The following FRMD4A variants were observed in gnomAD, a reference collection of about 807,000 sequenced individuals.
FRMD4A encodes the protein FERM domain containing 4A, also known as FERM domain-containing protein 4A.
In FRMD4A, 29 loss-of-function variants were observed where a neutral mutation model predicts 129.1. The observed-to-expected ratio is 0.22, with a 90% CI of 0.17 to 0.31. The LOEUF (loss-of-function observed/expected upper bound fraction) is 0.31. FRMD4A is among the 10% of genes least tolerant of loss of function. The probability of loss-of-function intolerance (pLI) is 1.00; values close to 1 mark genes in which losing one functional copy is unlikely to be tolerated. For missense variants in FRMD4A, 1,272 were observed against 1,375.8 expected (o/e 0.92, Z 1.19); for synonymous variants, 634 against 571.6 (o/e 1.11, Z -1.56).
chr10:14,069,454 T>A (rs1003574480), intron 2 of FRMD4A, among the ~76,000 whole-genome samples: 6 of 152,102 alleles, frequency 3.9e-5, no homozygotes, highest in African/African-American at 1.4e-4. Context: ...TTGATAAGAG[T>A]TCACTGTGAC....
intron 2 of FRMD4A, among the ~76,000 whole-genome samples, chr10:13,984,231 G>A (rs1035946833): frequency 6.6e-6 from 1 of 152,160 alleles, no homozygotes; most frequent in Admixed American, 6.5e-5. Flanking sequence ...TTATGAAGTC[G>A]AACGTGTGTC....
chr10:14,029,847 G>A (rs1024347910), intron 2 of FRMD4A, among the ~76,000 whole-genome samples: 19 of 149,306 alleles, frequency 1.3e-4, no homozygotes, highest in African/African-American at 4.2e-4. Context: ...GTTTTTAATC[G>A]TTTTTGAGTT....
intron 12 of FRMD4A, among the ~76,000 whole-genome samples, chr10:13,715,428 T>G (rs1167371832): frequency 1.3e-5 from 2 of 152,226 alleles, no homozygotes; most frequent in African/African-American, 4.8e-5. Context: ...ATTAAAAGCA[T>G]GGTTTTCAAC....
chr10:14,248,190 G>A (rs1374818204), intron 2 of FRMD4A, among the ~76,000 whole-genome samples: 1 of 32,996 alleles, frequency 3.0e-5, no homozygotes, highest in Non-Finnish European at 9.3e-5. Context: ...ACAACTTTAT[G>A]AGTTAGAAAA....
rs577770848 is a variant in FRMD4A at position 14,079,015 on chromosome 10, G to A, written c.46-220103C>T. 4.6e-5 allele frequency among the ~76,000 whole-genome samples: 7 copies of A among 152,364 alleles called. No individual in the cohort carries two copies. In the South Asian group the frequency reaches 1.2e-3, roughly 27 times the overall value. Reference sequence around the variant, plus strand: ...TGAGATAGTCAGAGGAAAGGACTGAGTGTCCAGGGTTTGGCCATCTCTAAG... The same window carrying A: ...TGAGATAGTCAGAGGAAAGGACTGAATGTCCAGGGTTTGGCCATCTCTAAG... On this transcript the variant is annotated intron_variant, in intron 2 of 24. Transcript: ENST00000357447.
intron 2 of FRMD4A, among the ~76,000 whole-genome samples, chr10:14,042,888 G>A (rs1313045196): frequency 8.0e-6 from 1 of 125,540 alleles, no homozygotes; most frequent in Non-Finnish European, 1.5e-5. Flanking sequence ...TCGTACCACT[G>A]CACTCCAGCC....
intron 2 of FRMD4A, among the ~76,000 whole-genome samples, chr10:14,280,230 G>C (rs558959886): frequency 1.1e-4 from 17 of 152,262 alleles, no homozygotes; most frequent in Admixed American, 1.1e-3. Flanking sequence ...TGGAACCTTT[G>C]CTTGGTGGAA....
chr10:14,042,292 C>T (rs1465322929), intron 2 of FRMD4A, among the ~76,000 whole-genome samples: 1 of 152,180 alleles, frequency 6.6e-6, no homozygotes, highest in Non-Finnish European at 1.5e-5. Flanking sequence ...CCACAAGTTA[C>T]TTCCTCCTTC....
At chr10:14,097,204 C>G (rs1467515060) in intron 2 of FRMD4A, 2 of 147,682 alleles carry the variant, frequency 1.4e-5, no homozygotes, top group African/African-American at 2.5e-5. Flanking sequence ...TGGAAGACAT[C>G]CTGGCATATA....
At chr10:13,920,386 C>T in intron 2 of FRMD4A, among the ~76,000 whole-genome samples, 1 of 152,202 alleles carries the variant, frequency 6.6e-6, no homozygotes. Context: ...TTAAGGTGTC[C>T]TTTACATCCT....
At position 14,005,698 on chromosome 10, in the gene FRMD4A, G is replaced by A. The variant is rs138870090; in HGVS notation, c.46-146786C>T. On this transcript the variant is annotated intron_variant, in intron 2 of 24. Coordinates refer to ENST00000357447, the MANE Select transcript of FRMD4A (RefSeq NM_018027.5). ...CATCGCTCCTCCAGAGAGCAAACAC[G>A]AAACATGATCCTATGGCAAGAACAT... 2.2e-3 allele frequency among the ~76,000 whole-genome samples: 332 copies of A among 152,300 alleles called. 4 individuals are homozygous for A. The highest frequency in any genetic ancestry group is 7.4e-3 in the African/African-American group (306 of 41,568).
At chr10:13,957,739 G>T (rs1456864233) in intron 2 of FRMD4A, among the ~76,000 whole-genome samples, 1 of 152,154 alleles carries the variant, frequency 6.6e-6, no homozygotes, top group Non-Finnish European at 1.5e-5. Context: ...CAAATGGCTA[G>T]CCCTTTTTGC....
rs920483292 is a variant in FRMD4A at position 13,850,789 on chromosome 10, C to T, written c.111+8058G>A. On this transcript the variant is annotated intron_variant, in intron 3 of 24. Transcript: ENST00000357447. ...GCTATACTATCAGAGGACCTATGCT[C>T]GAGCTACCTATACTTCACTAGCTAC... Among the ~76,000 whole-genome samples the T allele has an allele frequency of 3.3e-5, 5 of 152,304 alleles. No homozygotes were observed. The East Asian group carries it at 7.7e-4, about 23-fold the overall frequency.
At chr10:13,688,286 T>C (rs796929697) in intron 15 of FRMD4A, among the ~76,000 whole-genome samples, 1 of 151,930 alleles carries the variant, frequency 6.6e-6, no homozygotes, top group Admixed American at 6.6e-5. Context: ...CGGCAAACTA[T>C]AGCAAGCACA....
intron 2 of FRMD4A, among the ~76,000 whole-genome samples, chr10:14,262,521 C>T (rs955677978): frequency 6.6e-6 from 1 of 152,190 alleles, no homozygotes; most frequent in South Asian, 2.1e-4. Context: ...TCTGTCAGCT[C>T]AGTCTGGCTG....
At chr10:13,699,809 C>T (rs1000492542) in intron 14 of FRMD4A, among the ~76,000 whole-genome samples, 13 of 152,174 alleles carry the variant, frequency 8.5e-5, no homozygotes, top group Admixed American at 3.3e-4. Flanking sequence ...GTGTCAATAT[C>T]GAGCATGAGT....
chr10:14,261,546 CA>C (rs1844802100), intron 2 of FRMD4A, among the ~76,000 whole-genome samples: 1 of 152,212 alleles, frequency 6.6e-6, no homozygotes, highest in Non-Finnish European at 1.5e-5. Flanking sequence ...AACTTCCCAA[CA>C]GCTGCTATTC....
chr10:14,059,821 C>T (rs749343098), intron 2 of FRMD4A, among the ~76,000 whole-genome samples: 1 of 152,168 alleles, frequency 6.6e-6, no homozygotes, highest in Admixed American at 6.5e-5. Context: ...GCAATGATAT[C>T]CTTTGAGTAG....
At position 13,884,176 on chromosome 10, in the gene FRMD4A, T is replaced by TCACA. The variant is rs1368255816; in HGVS notation, c.46-25268_46-25265dup. Among the ~76,000 whole-genome samples the TCACA allele has an allele frequency of 9.3e-3, 289 of 31,162 alleles. 5 individuals carry two copies. Among genetic ancestry groups the TCACA allele is most frequent in the African/African-American group, 0.022 (246 of 11,102 alleles). 20.4% of individuals were successfully genotyped at this position (31,162 alleles called of 152,430 possible). Reference sequence around the variant, plus strand: ...CACTCTCACACACACACTCACACACTCACACACACACACACACACTCACAC... The same window carrying TCACA: ...CACTCTCACACACACACTCACACACTCACACACACACACACACACACACTCACAC... On this transcript the variant is annotated intron_variant, in intron 2 of 24. Transcript: ENST00000357447.
Sources: allele counts gnomAD v4.1 joint callset (sites outside exome capture counted in the v4.1 genomes callset), GRCh38; gene constraint gnomAD v4.1.1; transcripts MANE v1.5; gene names NCBI Gene and HGNC (gene_info 2026-07-23, HGNC 2026-07-21).